The following ZNF521 variants were observed in gnomAD, a reference collection of about 807,000 sequenced individuals.
The protein encoded by ZNF521 is zinc finger protein 521, also known as LYST-interacting protein 3.
Under a neutral mutation model 105.5 loss-of-function variants are expected in ZNF521, and 14 were observed. That is an observed-to-expected ratio of 0.13 (90% CI 0.09 to 0.21). ZNF521 has a LOEUF of 0.21. Ranked by LOEUF, ZNF521 falls within the 10% of genes least tolerant of loss-of-function variation. The probability of loss-of-function intolerance (pLI) is 1.00; values close to 1 mark genes in which losing one functional copy is unlikely to be tolerated. For missense variants in ZNF521, 1,233 were observed against 1,629.7 expected, an observed-to-expected ratio of 0.76 and a Z score of 4.19; for synonymous variants, 635 against 606.0, an observed-to-expected ratio of 1.05 and a Z score of -0.70.
chr18:25,264,723 T>C lies in ZNF521; in HGVS notation c.221-37026A>G, dbSNP rs142360150. 3.2e-3 allele frequency among the ~76,000 whole-genome samples: 480 copies of C among 152,306 alleles called. 3 individuals are homozygous for C. Among genetic ancestry groups the C allele is most frequent in the African/African-American group, 0.011 (452 of 41,562 alleles). ...TCATTATTTCTTTCAGTAATTTTCA[T>C]TGTTAATTAAACAAAAGCCCGAAAG... is the stretch of plus-strand genomic sequence containing the variant. On this transcript the variant is annotated intron_variant, in intron 3 of 7. Transcript: ENST00000361524.
intron 5 of ZNF521, among the ~76,000 whole-genome samples, chr18:25,130,496 T>C (rs2034620428): frequency 6.6e-6 from 1 of 152,192 alleles, no homozygotes; most frequent in African/African-American, 2.4e-5. Flanking sequence ...TAATGTATCA[T>C]TATTGGTTCA....
At chr18:25,174,718 A>T (rs2035506067) in intron 5 of ZNF521, among the ~76,000 whole-genome samples, 1 of 152,190 alleles carries the variant, frequency 6.6e-6, no homozygotes, top group African/African-American at 2.4e-5. Flanking sequence ...CAACTCTAAA[A>T]TTGCAGTCAA....
intron 5 of ZNF521, among the ~76,000 whole-genome samples, chr18:25,183,937 A>G (rs2035675914): frequency 6.6e-6 from 1 of 152,218 alleles, no homozygotes; most frequent in Non-Finnish European, 1.5e-5. Context: ...CCATTTTGAA[A>G]TAATATGTAA....
intron 3 of ZNF521, among the ~76,000 whole-genome samples, chr18:25,233,098 A>G (rs1353540289): frequency 1.3e-5 from 2 of 152,216 alleles, no homozygotes; most frequent in Non-Finnish European, 2.9e-5. Flanking sequence ...GACACAGGTA[A>G]CAAGGGTACT....
intron 3 of ZNF521, among the ~76,000 whole-genome samples, chr18:25,317,701 T>C (rs1912717142): frequency 6.6e-6 from 1 of 152,302 alleles, no homozygotes; most frequent in Admixed American, 6.5e-5. Context: ...TAATGGGATT[T>C]TCCCAAAATG....
chr18:25,294,878 AAAAG>A, intron 3 of ZNF521, among the ~76,000 whole-genome samples: 1 of 150,666 alleles, frequency 6.6e-6, no homozygotes, highest in Non-Finnish European at 1.5e-5. Flanking sequence ...AAAAAAAAAA[AAAAG>A]GAGCAGGTTT....
intron 5 of ZNF521, among the ~76,000 whole-genome samples, chr18:25,123,096 T>C (rs981825681): frequency 4.0e-5 from 6 of 151,620 alleles, no homozygotes; most frequent in Non-Finnish European, 8.8e-5. Context: ...GTTTGGAAGA[T>C]TATTACAGAG....
At chr18:25,107,105 C>T (rs1330327428) in intron 5 of ZNF521, among the ~76,000 whole-genome samples, 2 of 152,200 alleles carry the variant, frequency 1.3e-5, no homozygotes, top group South Asian at 2.1e-4. Context: ...CTGCCACTAA[C>T]AAGCTGAGCC....
chr18:25,249,962 C>T (rs1041240069), intron 3 of ZNF521, among the ~76,000 whole-genome samples: 1 of 151,978 alleles, frequency 6.6e-6, no homozygotes, highest in Non-Finnish European at 1.5e-5. Flanking sequence ...GTTTTGAGAC[C>T]AAGTCTCGCT....
chr18:25,318,434 T>C lies in ZNF521; in HGVS notation c.220+3574A>G, dbSNP rs547412260. 9.9e-5 allele frequency among the ~76,000 whole-genome samples: 15 copies of C among 152,256 alleles called. No individual in the cohort carries two copies. In the East Asian group the frequency reaches 2.3e-3, roughly 23 times the overall value. On this transcript the variant is annotated intron_variant, in intron 3 of 7. Coordinates refer to ENST00000361524, the MANE Select transcript of ZNF521 (RefSeq NM_015461.3). ...GCCAAAATTCACCAAATTATATACT[T>C]ATAATTTATGAATTTCACTGTATGT...
chr18:25,083,345 G>A (rs1410877034), intron 7 of ZNF521, among the ~76,000 whole-genome samples: 1 of 152,236 alleles, frequency 6.6e-6, no homozygotes, highest in Non-Finnish European at 1.5e-5. Flanking sequence ...ATTCTCGTAA[G>A]CTAGAACAGA....
At chr18:25,245,215 C>T (rs1907620088) in intron 3 of ZNF521, among the ~76,000 whole-genome samples, 1 of 152,172 alleles carries the variant, frequency 6.6e-6, no homozygotes, top group Admixed American at 6.5e-5. Context: ...TTTTAGAATG[C>T]ATAATTTTTT....
intron 3 of ZNF521, among the ~76,000 whole-genome samples, chr18:25,233,758 G>C (rs1906693058): frequency 6.9e-6 from 1 of 145,856 alleles, no homozygotes; most frequent in Non-Finnish European, 1.5e-5. Context: ...AGCCAACAAA[G>C]AGATAAGGAG....
At chr18:25,331,319 A>AT (rs1913553954) in intron 2 of ZNF521, among the ~76,000 whole-genome samples, 1 of 68,150 alleles carries the variant, frequency 1.5e-5, no homozygotes, top group African/African-American at 5.2e-5. Flanking sequence ...TAAAACTGCT[A>AT]AAAAAAAAAA....
intron 5 of ZNF521, among the ~76,000 whole-genome samples, chr18:25,155,149 C>G (rs997541538): frequency 6.6e-6 from 1 of 152,072 alleles, no homozygotes; most frequent in Non-Finnish European, 1.5e-5. Flanking sequence ...ATGTTGAGCA[C>G]TCTTTCTTGT....
chr18:25,219,017 G>T (rs1905523276), intron 4 of ZNF521, among the ~76,000 whole-genome samples: 2 of 151,962 alleles, frequency 1.3e-5, no homozygotes, highest in Non-Finnish European at 2.9e-5. Context: ...GAAGATGAAG[G>T]CCTCAGTGAT....
intron 7 of ZNF521, among the ~76,000 whole-genome samples, chr18:25,072,282 A>G (rs555249863): frequency 2.0e-5 from 3 of 152,340 alleles, no homozygotes; most frequent in African/African-American, 7.2e-5. Flanking sequence ...TAGTATTTTG[A>G]CAATTAAACA....
At chr18:25,098,544 C>A (rs2033900823) in intron 5 of ZNF521, among the ~76,000 whole-genome samples, 1 of 151,716 alleles carries the variant, frequency 6.6e-6, no homozygotes, top group South Asian at 2.1e-4. Flanking sequence ...AATTGTTAGC[C>A]AAGAAAAGAA....
chr18:25,103,414 T>C (rs1449904669), intron 5 of ZNF521, among the ~76,000 whole-genome samples: 1 of 152,206 alleles, frequency 6.6e-6, no homozygotes, highest in African/African-American at 2.4e-5. Context: ...TATAGCTAAC[T>C]GTACTTCTTC....
Sources: gnomAD v4.1 joint callset for allele counts (sites outside exome capture counted in the v4.1 genomes callset) on GRCh38, gnomAD v4.1.1 for gene constraint, MANE v1.5 for transcripts, NCBI Gene and HGNC (gene_info 2026-07-23, HGNC 2026-07-21) for gene names.